NOSTRIN: variants seen among roughly 807,000 people sequenced by gnomAD.
The protein encoded by NOSTRIN is BM247 homolog.
NOSTRIN carries 63 observed loss-of-function variants against 59.0 expected under a neutral mutation model. The observed-to-expected ratio is 1.07, with a 90% CI of 0.87 to 1.32. NOSTRIN has a LOEUF of 1.32. NOSTRIN is among the 40% of genes most tolerant of loss of function. NOSTRIN has a pLI of 0.00. For synonymous variants in NOSTRIN, 200 were observed against 165.4 expected, an observed-to-expected ratio of 1.21 and a Z score of -1.61; for missense variants, 512 against 473.1, an observed-to-expected ratio of 1.08 and a Z score of -0.76.
At chr2:168,822,016 C>G (rs931248431) in intron 2 of NOSTRIN, among the ~76,000 whole-genome samples, 2 of 152,180 alleles carry the variant, frequency 1.3e-5, no homozygotes, top group East Asian at 1.9e-4. Context: ...GAAGCCACCC[C>G]CACTGAATGG....
intron 3 of NOSTRIN, among the ~76,000 whole-genome samples, chr2:168,826,971 A>G (rs78941697): frequency 1.4e-3 from 215 of 152,086 alleles, no homozygotes; most frequent in African/African-American, 5.1e-3. Context: ...AATTGTAAGT[A>G]TATAGCAGGT....
chr2:168,853,987 C>G (rs1458408758), intron 10 of NOSTRIN, among the ~76,000 whole-genome samples: 3 of 152,198 alleles, frequency 2.0e-5, no homozygotes, highest in African/African-American at 7.2e-5. Flanking sequence ...CCTGCCCCAG[C>G]CTCCCAAGTA....
At chr2:168,833,166 C>G (rs503664) in intron 6 of NOSTRIN, among the ~76,000 whole-genome samples, 83,228 of 151,998 alleles carry the variant, frequency 0.55, 23,006 homozygotes, top group South Asian at 0.67. Flanking sequence ...ATAATTTTCT[C>G]CCCAGTTACA....
Position 168,789,671 on chromosome 2 carries a change from G to T in NOSTRIN, c.-473+1623G>T, listed in dbSNP as rs1346965563. ...TTCAAAAAGAGGGTATGAAGTGGAGGTGCGGTTAATTGGGAGGCTACTACT... is the reference window on the plus strand; with the variant it reads ...TTCAAAAAGAGGGTATGAAGTGGAGTTGCGGTTAATTGGGAGGCTACTACT... On this transcript the variant is annotated intron_variant, in intron 2 of 20. Coordinates refer to the NOSTRIN transcript ENST00000458381. 2.0e-5 allele frequency among the ~76,000 whole-genome samples: 3 copies of T among 152,188 alleles called. 1 individual carries two copies. The highest frequency in any genetic ancestry group is 2.0e-4 in the Admixed American group (3 of 15,286).
chr2:168,860,596 G>A lies in NOSTRIN; in HGVS notation c.1180-199G>A, dbSNP rs578247582. Among the ~76,000 whole-genome samples the A allele has an allele frequency of 4.6e-3, 696 of 152,090 alleles. 4 individuals are homozygous for A. Among genetic ancestry groups the A allele is most frequent in the Non-Finnish European group, 8.0e-3 (542 of 67,980 alleles). ...TGAGGCAGGAGAATCACTTGAACCC[G>A]GGAGGTGGAGGTTGTAGTGGGCCAA... On this transcript the variant is annotated intron_variant, in intron 13 of 15. Transcript: ENST00000317647.
intron 7 of NOSTRIN, among the ~76,000 whole-genome samples, chr2:168,841,485 G>C (rs1482837662): frequency 6.6e-6 from 1 of 152,128 alleles, no homozygotes; most frequent in East Asian, 1.9e-4. Context: ...ATGGGCAAGA[G>C]GGGGGCTCTT....
chr2:168,823,647 T>C lies in NOSTRIN; in HGVS notation c.114-987T>C, dbSNP rs913521084. On this transcript the variant is annotated intron_variant, in intron 2 of 15. Transcript: ENST00000317647. ...TGGGCCCACCCTGATGACCTCATCT[T>C]AACTTGATCATCATCTGCAAAGACC... 3.3e-5 allele frequency among the ~76,000 whole-genome samples: 5 copies of C among 152,266 alleles called. No individual in the cohort carries two copies. In the South Asian group the frequency reaches 1.0e-3, roughly 31 times the overall value.
At chr2:168,791,946 T>G (rs1559097059) in intron 2 of NOSTRIN, among the ~76,000 whole-genome samples, 1 of 152,176 alleles carries the variant, frequency 6.6e-6, no homozygotes, top group Non-Finnish European at 1.5e-5. Flanking sequence ...CTGTTCACTC[T>G]GATGGTAGTT....
intron 2 of NOSTRIN, chr2:168,811,907 T>C (rs1686157869): frequency 3.3e-6 from 1 of 307,006 alleles, no homozygotes; most frequent in Non-Finnish European, 6.0e-6. Flanking sequence ...AGACTGGGTT[T>C]ATTACCCTCT....
chr2:168,863,293 A>T (rs1689592214), intron 15 of NOSTRIN: 1 of 527,768 alleles, frequency 1.9e-6, no homozygotes, highest in South Asian at 8.4e-5. Flanking sequence ...AGAGACCGAG[A>T]ATAATGTCCT....
chr2:168,787,592 G>A (rs896008679), intron 1 of NOSTRIN, among the ~76,000 whole-genome samples: 1 of 152,284 alleles, frequency 6.6e-6, no homozygotes, highest in Middle Eastern at 3.4e-3. Flanking sequence ...TGAGGGCAAA[G>A]GCCTTACCTT....
chr2:168,823,226 C>G (rs1000316082), intron 2 of NOSTRIN, among the ~76,000 whole-genome samples: 1 of 152,130 alleles, frequency 6.6e-6, no homozygotes, highest in Non-Finnish European at 1.5e-5. Flanking sequence ...CTGTGTTAGC[C>G]AGGATGGTCT....
At position 168,856,823 on chromosome 2, in the gene NOSTRIN, G is replaced by T. The variant is rs377037962; in HGVS notation, c.1053+45G>T. ...ATTTCCTAGATGTAGTGATGAAAAG[G>T]GTTATTTTTAGAATACTTGTTTCTG... On this transcript the variant is annotated intron_variant, in intron 12 of 15. Coordinates refer to ENST00000317647, the MANE Select transcript of NOSTRIN (RefSeq NM_001039724.4). 1.9e-6 allele frequency: 3 copies of T among 1,568,196 alleles called. No homozygotes were observed. In the African/African-American group the frequency reaches 4.0e-5, roughly 21 times the overall value.
At chr2:168,835,893 C>G (rs1387829182) in intron 7 of NOSTRIN, among the ~76,000 whole-genome samples, 2 of 152,166 alleles carry the variant, frequency 1.3e-5, no homozygotes, top group Non-Finnish European at 2.9e-5. Flanking sequence ...TCTGCTTACA[C>G]CCCAATAGAT....
At chr2:168,861,484 T>TAA (rs79373488) in intron 14 of NOSTRIN, among the ~76,000 whole-genome samples, 2 of 141,884 alleles carry the variant, frequency 1.4e-5, no homozygotes, top group African/African-American at 2.6e-5. Context: ...GAAATTGGTT[T>TAA]AAAAAAAAAA....
chr2:168,820,038 A>G (rs765453560), intron 2 of NOSTRIN, among the ~76,000 whole-genome samples: 5 of 152,234 alleles, frequency 3.3e-5, no homozygotes, highest in African/African-American at 7.2e-5. Flanking sequence ...GTGCTGATTC[A>G]GAACACTGCA....
intron 2 of NOSTRIN, chr2:168,818,138 G>A (rs1356262058): frequency 8.2e-6 from 2 of 242,848 alleles, no homozygotes; most frequent in Non-Finnish European, 1.8e-5. Context: ...CATGAGAAGG[G>A]CTTAGCTCTA....
intron 2 of NOSTRIN, among the ~76,000 whole-genome samples, chr2:168,819,253 G>A (rs561235807): frequency 5.3e-5 from 8 of 152,240 alleles, no homozygotes; most frequent in Non-Finnish European, 7.3e-5. Context: ...TAAGTGGGGT[G>A]TGCCTTGCTG....
intron 12 of NOSTRIN, among the ~76,000 whole-genome samples, chr2:168,857,717 T>G (rs562304863): frequency 6.6e-6 from 1 of 152,298 alleles, no homozygotes; most frequent in East Asian, 1.9e-4. Context: ...TGAGAATCAT[T>G]TAAGGAGATA....
Sources: allele counts gnomAD v4.1 joint callset (sites outside exome capture counted in the v4.1 genomes callset), GRCh38; gene constraint gnomAD v4.1.1; transcripts MANE v1.5; gene names NCBI Gene and HGNC (gene_info 2026-07-23, HGNC 2026-07-21).